GYPB: variants seen among roughly 807,000 people sequenced by gnomAD.
GYPB encodes glycophorin B (MNS blood group).
In GYPB, 13 loss-of-function variants were observed where a neutral mutation model predicts 15.3. That is an observed-to-expected ratio of 0.85 (90% CI 0.55 to 1.35). The LOEUF (loss-of-function observed/expected upper bound fraction) is 1.35. Among genes scored for constraint, GYPB ranks in the 40% most tolerant of loss-of-function variants. The pLI, the probability that GYPB is intolerant of heterozygous loss-of-function variation, is 0.00. For missense variants in GYPB, 131 were observed against 108.3 expected (o/e 1.21, Z -0.93); for synonymous variants, 38 against 36.9 (o/e 1.03, Z -0.11).
intron 1 of GYPB, chr4:144,002,770 A>C (rs148549575): frequency 0.012 from 12,263 of 1,011,360 alleles, 72 homozygotes; most frequent in Non-Finnish European, 0.015. Flanking sequence ...GAGTTCTAAA[A>C]CCTTTCTCTA....
In GYPB at chr4:144,019,314, G is replaced by T. The variant is rs1728662897; in HGVS notation, c.-27C>A. The stretch of plus-strand genomic sequence containing the variant: ...CTGAGATCATGAGCTGGTTCCTGAA[G>T]TTAGTGCAAAAAAACTACCAAAGAC... On this transcript the variant is annotated 5_prime_UTR_variant, in exon 1 of 5. Coordinates refer to ENST00000502664, the MANE Select transcript of GYPB (RefSeq NM_002100.6). 3 of 1,611,660 alleles carry T rather than the reference G, an allele frequency of 1.9e-6. No individual in the cohort carries two copies. The South Asian group carries it at 3.3e-5, about 18-fold the overall frequency.
At chr4:144,007,533 C>T (rs1364152577) in intron 1 of GYPB, among the ~76,000 whole-genome samples, 3 of 151,448 alleles carry the variant, frequency 2.0e-5, no homozygotes, top group African/African-American at 7.3e-5. Context: ...TCCACACTGT[C>T]CCAAACCATT....
intron 1 of GYPB, among the ~76,000 whole-genome samples, chr4:144,014,165 G>T (rs1175210303): frequency 4.6e-5 from 7 of 151,874 alleles, no homozygotes; most frequent in African/African-American, 1.7e-4. Flanking sequence ...GTAAAAAGGT[G>T]CAGCTCCTGT....
intron 1 of GYPB, among the ~76,000 whole-genome samples, chr4:144,007,857 C>G (rs1301503394): frequency 4.0e-5 from 6 of 151,262 alleles, no homozygotes; most frequent in Non-Finnish European, 5.9e-5. Context: ...ATACTAGCCT[C>G]AAACTCCTAG....
At chr4:143,997,011 A>G (rs1727353799) in intron 4 of GYPB, among the ~76,000 whole-genome samples, 1 of 150,722 alleles carries the variant, frequency 6.6e-6, no homozygotes, top group South Asian at 2.1e-4. Flanking sequence ...GGCTCAAGCA[A>G]TCCTCCCACT....
chr4:144,013,279 G>C (rs1472442846), intron 1 of GYPB, among the ~76,000 whole-genome samples: 1 of 150,894 alleles, frequency 6.6e-6, no homozygotes, highest in Non-Finnish European at 1.5e-5. Context: ...ACAGGTGCTG[G>C]AGAGGATGTG....
intron 1 of GYPB, among the ~76,000 whole-genome samples, chr4:144,011,272 T>A (rs926191814): frequency 6.6e-5 from 10 of 151,130 alleles, no homozygotes; most frequent in African/African-American, 2.5e-4. Flanking sequence ...GTCAGCTACT[T>A]GGGAGGCTGA....
chr4:144,011,061 G>T (rs1439665048), intron 1 of GYPB, among the ~76,000 whole-genome samples: 1 of 151,570 alleles, frequency 6.6e-6, no homozygotes, highest in Admixed American at 6.6e-5. Flanking sequence ...TGTGTTAAAA[G>T]ACAGAAACTT....
intron 1 of GYPB, among the ~76,000 whole-genome samples, chr4:144,014,543 T>G (rs1267941830): frequency 6.6e-6 from 1 of 151,438 alleles, no homozygotes; most frequent in Admixed American, 6.6e-5. Context: ...AGGCTACCTA[T>G]TATATGATTC....
At position 143,999,436 on chromosome 4, in the gene GYPB, T is replaced by G; in HGVS notation, c.150A>C (p.Gln50His). ...ISSQTNGETG[Q>H]LVHRFTVPAP... Reference sequence around the variant, plus strand: ...CTGGTACAGTGAAACGATGGACAAGTTGTCCCGTTTCTCCTATAAAGCAAA... The same window carrying G: ...CTGGTACAGTGAAACGATGGACAAGGTGTCCCGTTTCTCCTATAAAGCAAA... Residue 50 changes from glutamine (Q) to histidine (H), a missense_variant, in exon 3 of 5, where the codon CAA becomes CAC. Transcript: ENST00000502664. 6.5e-7 allele frequency: 1 copy of G among 1,536,706 alleles called. No homozygotes were observed. The highest frequency in any genetic ancestry group is 9.0e-7 in the Non-Finnish European group (1 of 1,114,706).
rs550799796 is a variant in GYPB at position 143,996,201 on chromosome 4, T to G, written c.*98A>C. On this transcript the variant is annotated 3_prime_UTR_variant, in exon 5 of 5. Transcript: ENST00000502664. ...ATTAGGATAGCCAGGGGTAGGGGCA[T>G]AAGCAAAGGAATAGCAGGTGCAGCC... 49 of 1,547,816 alleles carry G rather than the reference T, an allele frequency of 3.2e-5. 1 individual carries two copies. The East Asian group carries it at 1.0e-3, about 32-fold the overall frequency.
Position 143,996,487 on chromosome 4 carries a change from C to T in GYPB, c.271-183G>A, listed in dbSNP as rs562323023. ...GTTTTATAAAAACCCTAATTAGGGC[C>T]GGGCGCAGTGGCTCACACCTGTAAT... is the stretch of plus-strand genomic sequence containing the variant. On this transcript the variant is annotated intron_variant, in intron 4 of 4. Coordinates refer to ENST00000502664, the MANE Select transcript of GYPB (RefSeq NM_002100.6). Among the ~76,000 whole-genome samples, 6 of 151,166 alleles carry T rather than the reference C, an allele frequency of 4.0e-5. No homozygotes were observed. In the East Asian group the frequency reaches 9.7e-4, roughly 24 times the overall value.
At chr4:144,016,765 T>TAA (rs1278759685) in intron 1 of GYPB, 1 of 397,916 alleles carries the variant, frequency 2.5e-6, no homozygotes, top group Non-Finnish European at 4.9e-6. Flanking sequence ...GATTTTCAGA[T>TAA]AAAAGCTCCA....
At position 143,997,550 on chromosome 4, in the gene GYPB, C is replaced by T. The variant is rs112711627; in HGVS notation, c.260G>A (p.Arg87Gln). ...TILLISYSIR[R>Q]LIKA ...AAACTGAATTCTCACCTTTATCAGT[C>T]GGCGAATACTGTAAGAAATTAAGAG... Residue 87 changes from arginine (R) to glutamine (Q), a missense_variant, in exon 4 of 5, where the codon CGA becomes CAA. Arg to Gln is a conservative substitution (Grantham distance 43). Coordinates refer to ENST00000502664, the MANE Select transcript of GYPB (RefSeq NM_002100.6). The T allele has an allele frequency of 5.3e-4, 829 of 1,571,680 alleles. 29 individuals carry two copies. The African/African-American group carries it at 7.6e-3, about 14-fold the overall frequency.
At chr4:144,016,140 GAAAAAAAAAAAAAAAAAAAA>G (rs10594193) in intron 1 of GYPB, among the ~76,000 whole-genome samples, 2 of 38,846 alleles carry the variant, frequency 5.1e-5, no homozygotes, top group South Asian at 4.1e-3. Context: ...TTGGATCCCT[GAAAAAAAAAAAAAAAAAAAA>G]AAAAAAAAAA....
In GYPB at chr4:144,019,273, T is replaced by G; in HGVS notation, c.15A>C (p.Ile5=). Residue 5 remains isoleucine, a synonymous_variant, in exon 1 of 5, where the codon ATA becomes ATC. Coordinates refer to ENST00000502664, the MANE Select transcript of GYPB (RefSeq NM_002100.6). MYGK[I]IFVLLLSEIV... is the part of the protein sequence containing the mutation. ...TACCTGACAATAGTAATACAAAGAT[T>G]ATTTTTCCATACATCCTGAGATCAT... The G allele has an allele frequency of 6.2e-7, 1 of 1,611,748 alleles. No individual in the cohort carries two copies. The highest frequency in any genetic ancestry group is 8.5e-7 in the Non-Finnish European group (1 of 1,179,456).
At chr4:144,008,623 C>G (rs765170997) in intron 1 of GYPB, among the ~76,000 whole-genome samples, 2 of 151,490 alleles carry the variant, frequency 1.3e-5, no homozygotes, top group Non-Finnish European at 2.9e-5. Flanking sequence ...CCACTTTAGT[C>G]TAAGATATTG....
intron 3 of GYPB, among the ~76,000 whole-genome samples, chr4:143,998,039 G>C (rs1176688910): frequency 6.6e-6 from 1 of 151,412 alleles, no homozygotes; most frequent in Non-Finnish European, 1.5e-5. Context: ...AAAGAGCATT[G>C]AACAGATCAT....
intron 1 of GYPB, among the ~76,000 whole-genome samples, chr4:144,007,906 G>T (rs1021034667): frequency 2.6e-5 from 4 of 151,336 alleles, no homozygotes; most frequent in African/African-American, 4.9e-5. Flanking sequence ...CTGAGCAACT[G>T]GTACTATAGG....
Sources: allele counts gnomAD v4.1 joint callset (sites outside exome capture counted in the v4.1 genomes callset), GRCh38; gene constraint gnomAD v4.1.1; transcripts MANE v1.5; gene names NCBI Gene and HGNC (gene_info 2026-07-23, HGNC 2026-07-21).